Variants in GIGYF2 observed in about 807,000 individuals in gnomAD.
The protein encoded by GIGYF2 is GRB10 interacting GYF protein 2.
In GIGYF2, 25 loss-of-function variants were observed where a neutral mutation model predicts 208.1. That is an observed-to-expected ratio of 0.12 (90% CI 0.09 to 0.17). The LOEUF is 0.17. Among genes scored for constraint, GIGYF2 ranks in the 10% least tolerant of loss-of-function variants. GIGYF2 has a pLI of 1.00. For synonymous variants in GIGYF2, 534 were observed against 543.8 expected (o/e 0.98, Z 0.25); for missense variants, 1,302 against 1,579.4 (o/e 0.82, Z 2.98).
chr2:232,761,455 C>T lies in GIGYF2; in HGVS notation c.532+19C>T, dbSNP rs1419977999. On this transcript the variant is annotated intron_variant, in intron 8 of 28. Coordinates refer to ENST00000373563, the MANE Select transcript of GIGYF2 (RefSeq NM_001103146.3). ...GATGTAGGTAAGGTTCTTACCTACA[C>T]ACATAAGGATAAATTTATTAAAAAT... 2.0e-6 allele frequency: 3 copies of T among 1,473,056 alleles called. No individual in the cohort carries two copies. The highest frequency in any genetic ancestry group is 1.4e-5 in the African/African-American group (1 of 71,856). The allele number at this position is 1,473,056 out of a possible 1,614,324, so 91.2% of individuals were successfully genotyped here.
intron 15 of GIGYF2, among the ~76,000 whole-genome samples, chr2:232,809,423 C>T (rs889823062): frequency 6.6e-6 from 1 of 152,172 alleles, no homozygotes; most frequent in Non-Finnish European, 1.5e-5. Context: ...ACAGTAATAA[C>T]TCTGAAGTAC....
chr2:232,727,261 C>T (rs1291135664), intron 2 of GIGYF2, among the ~76,000 whole-genome samples: 2 of 152,164 alleles, frequency 1.3e-5, no homozygotes, highest in African/African-American at 2.4e-5. Flanking sequence ...CCACTGTGCC[C>T]GGCCCATCAT....
intron 25 of GIGYF2, among the ~76,000 whole-genome samples, chr2:232,845,225 A>G (rs990062620): frequency 3.3e-5 from 5 of 152,268 alleles, no homozygotes; most frequent in Non-Finnish European, 7.3e-5. Context: ...CATGATAAGT[A>G]GTAAGTGCCT....
intron 8 of GIGYF2, among the ~76,000 whole-genome samples, chr2:232,774,954 T>G (rs1288809930): frequency 1.3e-5 from 2 of 152,230 alleles, no homozygotes; most frequent in Admixed American, 1.3e-4. Flanking sequence ...TTTGTAGCAC[T>G]CTTACTCTAG....
intron 27 of GIGYF2, among the ~76,000 whole-genome samples, chr2:232,848,689 A>G (rs1302518521): frequency 6.6e-6 from 1 of 152,144 alleles, no homozygotes; most frequent in Non-Finnish European, 1.5e-5. Flanking sequence ...TTTGGAAAAC[A>G]TGGCACTAAA....
intron 20 of GIGYF2, among the ~76,000 whole-genome samples, chr2:232,817,694 A>G (rs1263288842): frequency 6.6e-6 from 1 of 152,206 alleles, no homozygotes; most frequent in African/African-American, 2.4e-5. Context: ...ATTGTAGCAT[A>G]TATCTGAATT....
intron 21 of GIGYF2, among the ~76,000 whole-genome samples, chr2:232,831,522 A>C (rs1701424747): frequency 6.6e-6 from 1 of 152,216 alleles, no homozygotes; most frequent in South Asian, 2.1e-4. Context: ...TGTGATGAAT[A>C]TACAAGAAGT....
intron 22 of GIGYF2, among the ~76,000 whole-genome samples, chr2:232,837,406 T>G (rs994644304): frequency 1.3e-5 from 2 of 152,174 alleles, no homozygotes; most frequent in African/African-American, 4.8e-5. Context: ...CAAATATTCT[T>G]GAATAAACTT....
intron 14 of GIGYF2, among the ~76,000 whole-genome samples, chr2:232,802,504 C>T (rs1179866564): frequency 6.6e-6 from 1 of 151,864 alleles, no homozygotes; most frequent in Non-Finnish European, 1.5e-5. Flanking sequence ...TGGTTTTTTT[C>T]CCCCCTTATT....
At chr2:232,772,486 T>G (rs1192612800) in intron 8 of GIGYF2, among the ~76,000 whole-genome samples, 1 of 152,214 alleles carries the variant, frequency 6.6e-6, no homozygotes, top group African/African-American at 2.4e-5. Flanking sequence ...TAAATAAGAA[T>G]TTTAAAAAGA....
In GIGYF2 at chr2:232,836,289, T is replaced by C. The variant is rs544183578; in HGVS notation, c.2766+3196T>C. 5.3e-3 allele frequency among the ~76,000 whole-genome samples: 38 copies of C among 7,122 alleles called. 3 individuals carry two copies. Among genetic ancestry groups the C allele is most frequent in the Non-Finnish European group, 0.012 (29 of 2,510 alleles). 4.7% of individuals were successfully genotyped at this position (7,122 alleles called of 152,430 possible). ...ATATATATATATATATATATATATA[T>C]ATATATATATATATATATATATATA... On this transcript the variant is annotated intron_variant, in intron 22 of 28. Transcript: ENST00000373563.
In GIGYF2 at chr2:232,815,795, T is replaced by C. The variant is rs569218785; in HGVS notation, c.2208+58T>C. 8.3e-5 allele frequency: 72 copies of C among 870,842 alleles called. No individual in the cohort carries two copies. In the African/African-American group the frequency reaches 9.5e-4, roughly 11 times the overall value. 53.9% of individuals were successfully genotyped at this position (870,842 alleles called of 1,614,324 possible). A position where few individuals can be genotyped will look rare whatever the true frequency, so the allele number is the denominator to read the frequency against. Reference sequence around the variant, plus strand: ...GTCATCTGGCTGCAGGACATAAACATTGCTGTTTATTCATCTCTCTAGCTA... The same window carrying C: ...GTCATCTGGCTGCAGGACATAAACACTGCTGTTTATTCATCTCTCTAGCTA... On this transcript the variant is annotated intron_variant, in intron 19 of 28. Coordinates refer to ENST00000373563, the MANE Select transcript of GIGYF2 (RefSeq NM_001103146.3).
At chr2:232,828,257 G>A (rs978586986) in intron 21 of GIGYF2, among the ~76,000 whole-genome samples, 2 of 152,108 alleles carry the variant, frequency 1.3e-5, no homozygotes, top group African/African-American at 4.8e-5. Flanking sequence ...AAAGTGCTGG[G>A]ATTACAGGCA....
In GIGYF2 at chr2:232,857,168, C is replaced by G. The variant is rs1387818581; in HGVS notation, c.*308C>G. The G allele has an allele frequency of 2.2e-6, 1 of 463,198 alleles. No homozygotes were observed. The highest frequency in any genetic ancestry group is 3.6e-5 in the Admixed American group (1 of 27,880). 28.7% of individuals were successfully genotyped at this position (463,198 alleles called of 1,614,324 possible). On this transcript the variant is annotated 3_prime_UTR_variant, in exon 29 of 29. Coordinates refer to ENST00000373563, the MANE Select transcript of GIGYF2 (RefSeq NM_001103146.3). Reference sequence around the variant, plus strand: ...TGTGCTGTGATTTCATCTACTGTCTCCCAGAAAGTGTGTTGGGATCGGCCA... The same window carrying G: ...TGTGCTGTGATTTCATCTACTGTCTGCCAGAAAGTGTGTTGGGATCGGCCA...
At chr2:232,818,150 C>A (rs1202063013) in intron 20 of GIGYF2, among the ~76,000 whole-genome samples, 3 of 152,160 alleles carry the variant, frequency 2.0e-5, no homozygotes, top group Non-Finnish European at 4.4e-5. Context: ...TGTTGTTGGG[C>A]ATCTTTTCAC....
intron 22 of GIGYF2, among the ~76,000 whole-genome samples, chr2:232,839,115 T>G (rs1049244790): frequency 6.6e-6 from 1 of 152,224 alleles, no homozygotes; most frequent in African/African-American, 2.4e-5. Context: ...GGTTTCTTTT[T>G]TATTGTGTTC....
At chr2:232,836,679 G>C (rs1015067911) in intron 22 of GIGYF2, among the ~76,000 whole-genome samples, 1 of 149,756 alleles carries the variant, frequency 6.7e-6, no homozygotes, top group African/African-American at 2.5e-5. Flanking sequence ...AATTTGTTTT[G>C]ACTCCGGGAG....
At chr2:232,825,697 T>G (rs549794008) in intron 21 of GIGYF2, among the ~76,000 whole-genome samples, 1 of 152,296 alleles carries the variant, frequency 6.6e-6, no homozygotes, top group Non-Finnish European at 1.5e-5. Flanking sequence ...GTGGCAGGGT[T>G]TGAGAGATTG....
At chr2:232,747,551 T>C in intron 3 of GIGYF2, 64 bp from the exon 4 acceptor site, 5 of 1,565,344 alleles carry the variant, frequency 3.2e-6, no homozygotes, top group Non-Finnish European at 4.4e-6. Context: ...TTTTTGACAG[T>C]GTATAGTATA....
Sources: allele counts gnomAD v4.1 joint callset (sites outside exome capture counted in the v4.1 genomes callset), GRCh38; gene constraint gnomAD v4.1.1; transcripts MANE v1.5; gene names NCBI Gene and HGNC (gene_info 2026-07-23, HGNC 2026-07-21).